GREB1: variants seen among roughly 807,000 people sequenced by gnomAD.
GREB1 encodes protein GREB1.
A neutral mutation model predicts 200.7 loss-of-function variants in GREB1; 106 were observed. The ratio of observed to expected loss-of-function variants is 0.53; its 90% CI spans 0.45 to 0.62. The LOEUF (loss-of-function observed/expected upper bound fraction) is 0.62, where lower values mean the gene tolerates loss of function less well. Ranked by LOEUF, GREB1 falls within the 20% of genes least tolerant of loss-of-function variation. The pLI, the probability that GREB1 is intolerant of heterozygous loss-of-function variation, is 0.00. For synonymous variants in GREB1, 1,132 were observed against 1,092.4 expected (o/e 1.04, Z -0.72); for missense variants, 2,243 against 2,556.8 (o/e 0.88, Z 2.65).
intron 8 of GREB1, among the ~76,000 whole-genome samples, chr2:11,585,484 A>G (rs1168320251): frequency 2.0e-5 from 3 of 152,258 alleles, no homozygotes; most frequent in Non-Finnish European, 4.4e-5. Context: ...GGATCCGTGT[A>G]TGATAGTGAG....
intron 11 of GREB1, among the ~76,000 whole-genome samples, chr2:11,594,946 G>T (rs982492525): frequency 2.0e-5 from 3 of 151,094 alleles, no homozygotes; most frequent in African/African-American, 7.3e-5. Flanking sequence ...TGCCTGCCTC[G>T]GCCTCCCAAA....
intron 1 of GREB1, among the ~76,000 whole-genome samples, chr2:11,537,577 C>T (rs979358737): frequency 4.7e-5 from 7 of 150,226 alleles, no homozygotes; most frequent in African/African-American, 1.7e-4. Flanking sequence ...AACTCTACTG[C>T]TTAAACTCTC....
Position 11,519,448 on chromosome 2 carries a change from G to GTTT in GREB1, c.-158-37009_-158-37008insTTT, listed in dbSNP as rs1558497818. Among the ~76,000 whole-genome samples, 117 of 90,128 alleles carry GTTT rather than the reference G, an allele frequency of 1.3e-3. 2 individuals are homozygous for GTTT. The highest frequency in any genetic ancestry group is 5.6e-3 in the African/African-American group (105 of 18,780). 59.1% of individuals were successfully genotyped at this position (90,128 alleles called of 152,430 possible). On this transcript the variant is annotated intron_variant, in intron 1 of 2. Coordinates refer to the GREB1 transcript ENST00000628795. ...TTCACATCTTATGATTACTTGTTTT[G>GTTT]GTTTTTTTTTTTTTTTTTTTTTTTG...
intron 1 of GREB1, chr2:11,517,370 G>C (rs1673542381): frequency 6.6e-6 from 1 of 152,660 alleles, no homozygotes; most frequent in African/African-American, 2.4e-5. Context: ...AGCTGGCTCA[G>C]GTGCTTTTCC....
At chr2:11,608,385 C>A (rs536078919) in intron 17 of GREB1, among the ~76,000 whole-genome samples, 1 of 152,172 alleles carries the variant, frequency 6.6e-6, no homozygotes, top group South Asian at 2.1e-4. Flanking sequence ...TTCTACTGAT[C>A]AATTGGTTCC....
intron 5 of GREB1, among the ~76,000 whole-genome samples, chr2:11,577,068 A>G (rs1678936476): frequency 6.6e-6 from 1 of 152,108 alleles, no homozygotes. Flanking sequence ...ACAAAAAAAA[A>G]ACGTTGACAG....
Position 11,627,023 on chromosome 2 carries a change from A to G in GREB1, c.4368A>G (p.Arg1456=). 1 of 1,614,060 alleles carries G rather than the reference A, an allele frequency of 6.2e-7. No individual in the cohort carries two copies. Among genetic ancestry groups the G allele is most frequent in the East Asian group, 2.2e-5 (1 of 44,882 alleles). ...LYVRRQTARM[R]LSKYAAYNTY... ...TGCGGCGTCAGACGGCACGGATGAG[A>G]CTGTCCAAGTACGCAGCGTACAACA... Residue 1456 remains arginine, a synonymous_variant, in exon 25 of 33, where the codon AGA becomes AGG. Coordinates refer to ENST00000381486, the MANE Select transcript of GREB1 (RefSeq NM_014668.4).
At chr2:11,627,250 C>T (rs1684541311) in intron 25 of GREB1, 146 bp downstream of exon 25, 1 of 684,112 alleles carries the variant, frequency 1.5e-6, no homozygotes, top group South Asian at 2.4e-5. Flanking sequence ...CTGTTCCCTT[C>T]AATTGTCTGT....
At chr2:11,623,892 ACT>A (rs1473648675) in intron 23 of GREB1, among the ~76,000 whole-genome samples, 1 of 152,104 alleles carries the variant, frequency 6.6e-6, no homozygotes, top group African/African-American at 2.4e-5. Context: ...ACAGAGCGAG[ACT>A]CTGTCTCAAG....
At chr2:11,569,986 T>C (rs1462523569) in intron 4 of GREB1, among the ~76,000 whole-genome samples, 1 of 152,162 alleles carries the variant, frequency 6.6e-6, no homozygotes, top group East Asian at 1.9e-4. Flanking sequence ...TCTTTAAAGG[T>C]TACCAACACG....
At chr2:11,513,629 C>T (rs1673409433) in intron 1 of GREB1, among the ~76,000 whole-genome samples, 1 of 152,100 alleles carries the variant, frequency 6.6e-6, no homozygotes, top group Non-Finnish European at 1.5e-5. Context: ...CTTAAATTAG[C>T]AGCAACACGC....
intron 1 of GREB1, among the ~76,000 whole-genome samples, chr2:11,507,111 T>C (rs1159144859): frequency 1.3e-5 from 2 of 152,140 alleles, no homozygotes; most frequent in Non-Finnish European, 2.9e-5. Flanking sequence ...TTTTCATGAT[T>C]AATTATAGTA....
At chr2:11,636,253 TTTG>T (rs753374683) in intron 30 of GREB1, among the ~76,000 whole-genome samples, 24 of 152,184 alleles carry the variant, frequency 1.6e-4, no homozygotes, top group Non-Finnish European at 2.6e-4. Context: ...TTGTGTGAGG[TTTG>T]TTGTTTAATC....
intron 1 of GREB1, among the ~76,000 whole-genome samples, chr2:11,519,029 G>A (rs1673611900): frequency 2.0e-5 from 3 of 151,380 alleles, no homozygotes; most frequent in Admixed American, 6.6e-5. Flanking sequence ...CCCAGGAGGC[G>A]GAGCTTGCAG....
intron 1 of GREB1, among the ~76,000 whole-genome samples, chr2:11,505,295 T>C (rs1673150710): frequency 6.6e-6 from 1 of 152,118 alleles, no homozygotes; most frequent in African/African-American, 2.4e-5. Flanking sequence ...TTTCCCAGCC[T>C]GCACTTGATC....
In GREB1 at chr2:11,524,043, A is replaced by G. The variant is rs991635717; in HGVS notation, c.-158-32414A>G. Among the ~76,000 whole-genome samples, 4 of 143,020 alleles carry G rather than the reference A, an allele frequency of 2.8e-5. No individual in the cohort carries two copies. In the East Asian group the frequency reaches 8.0e-4, roughly 29 times the overall value. 93.8% of individuals were successfully genotyped at this position (143,020 alleles called of 152,430 possible). ...TGTCTGAAGAAATGCACACACGTGC[A>G]TGCACACTCACACACACACACACAC... On this transcript the variant is annotated intron_variant, in intron 1 of 2. Transcript: ENST00000628795.
rs1426641817 is a variant in GREB1 at position 11,556,574 on chromosome 2, C to T, written c.-41C>T. ...GTGGAGCCAGGCTTTTGCACCGAAT[C>T]TGAGATGCCATTTTAAACAGAAGAC... On this transcript the variant is annotated 5_prime_UTR_variant, in exon 2 of 33. Transcript: ENST00000381486. 5 of 1,553,378 alleles carry T rather than the reference C, an allele frequency of 3.2e-6. No individual in the cohort carries two copies. The East Asian group carries it at 1.2e-4, about 36-fold the overall frequency.
At chr2:11,574,789 G>A (rs1678673938) in intron 4 of GREB1, among the ~76,000 whole-genome samples, 1 of 152,204 alleles carries the variant, frequency 6.6e-6, no homozygotes, top group African/African-American at 2.4e-5. Flanking sequence ...GAATGGCCCT[G>A]GTTCCCTGTG....
In GREB1 at chr2:11,616,612, C is replaced by A; in HGVS notation, c.3323-19C>A. The A allele has an allele frequency of 6.7e-7, 1 of 1,486,328 alleles. No individual in the cohort carries two copies. The highest frequency in any genetic ancestry group is 9.4e-7 in the Non-Finnish European group (1 of 1,063,428). The allele number at this position is 1,486,328 out of a possible 1,614,324, so 92.1% of individuals were successfully genotyped here. On this transcript the variant is annotated intron_variant, in intron 20 of 32. Transcript: ENST00000381486. ...AATGGTGATTTCGGTGCATTCTCAG[C>A]GTGTGTGTTTTGGAACAGGCTCTAC... is the stretch of plus-strand genomic sequence containing the variant.
Sources: allele counts gnomAD v4.1 joint callset (sites outside exome capture counted in the v4.1 genomes callset), GRCh38; gene constraint gnomAD v4.1.1; transcripts MANE v1.5; gene names NCBI Gene and HGNC (gene_info 2026-07-23, HGNC 2026-07-21).